FGFRL1: variants seen among roughly 807,000 people sequenced by gnomAD.
FGFRL1 encodes the protein fibroblast growth factor receptor-like 1.
FGFRL1 carries 24 observed loss-of-function variants against 36.8 expected under a neutral mutation model. The ratio of observed to expected loss-of-function variants is 0.65; its 90% confidence interval spans 0.47 to 0.92. FGFRL1 has a LOEUF of 0.92. FGFRL1 is among the 40% of genes least tolerant of loss of function. The probability of loss-of-function intolerance (pLI) is 0.00; values close to 1 mark genes in which losing one functional copy is unlikely to be tolerated. For missense variants in FGFRL1, 785 were observed against 753.4 expected, an observed-to-expected ratio of 1.04 and a Z score of -0.49; for synonymous variants, 422 against 344.1, an observed-to-expected ratio of 1.23 and a Z score of -2.50.
At chr4:1,022,840 C>T (rs551921934) in intron 3 of FGFRL1, among the ~76,000 whole-genome samples, 8 of 152,232 alleles carry the variant, frequency 5.3e-5, no homozygotes, top group South Asian at 2.1e-4. Flanking sequence ...GAGGAGCCGC[C>T]GGGATGCGTG....
intron 2 of FGFRL1, among the ~76,000 whole-genome samples, chr4:1,015,048 CCCCTGGCTTGCCCAG>C (rs58748563): frequency 0.7 from 106,809 of 151,872 alleles, 38,108 homozygotes; most frequent in African/African-American, 0.8. Flanking sequence ...TGGCCTCCAG[CCCCTGGCTTGCCCAG>C]CCCTGGCTTG....
At chr4:1,013,669 T>G (rs1715732896) in intron 2 of FGFRL1, among the ~76,000 whole-genome samples, 4 of 152,274 alleles carry the variant, frequency 2.6e-5, no homozygotes, top group Admixed American at 2.0e-4. Flanking sequence ...TTGCATTCTC[T>G]TTGATCTGTT....
chr4:1,013,025 C>G (rs1357218073), intron 2 of FGFRL1, among the ~76,000 whole-genome samples: 1 of 152,192 alleles, frequency 6.6e-6, no homozygotes, highest in Admixed American at 6.5e-5. Flanking sequence ...GGGACTGAAA[C>G]TGACCCCCAG....
intron 2 of FGFRL1, among the ~76,000 whole-genome samples, chr4:1,014,924 G>A (rs989415370): frequency 2.6e-5 from 4 of 152,228 alleles, no homozygotes; most frequent in East Asian, 3.8e-4. Context: ...TGGAAACGCC[G>A]ACCGCAGACT....
Position 1,025,434 on chromosome 4 carries a change from G to A in FGFRL1, c.*87G>A. ...AGGACGGAGCTGCAGACGAAGGCAG[G>A]GGACCCATGGCGAGGAGGAATGGCC... On this transcript the variant is annotated 3_prime_UTR_variant, in exon 7 of 7. Transcript: ENST00000510644. 2 of 1,466,646 alleles carry A rather than the reference G, an allele frequency of 1.4e-6. No homozygotes were observed. Among genetic ancestry groups the A allele is most frequent in the Non-Finnish European group, 1.8e-6 (2 of 1,095,902 alleles). The allele number at this position is 1,466,646 out of a possible 1,614,324, so 90.9% of individuals were successfully genotyped here. A position where few individuals can be genotyped will look rare whatever the true frequency, so the allele number is the denominator to read the frequency against.
rs1716551225 is a variant in FGFRL1, at chr4:1,026,601, C to T, written c.*1254C>T. On this transcript the variant is annotated 3_prime_UTR_variant, in exon 7 of 7. Coordinates refer to ENST00000510644, the MANE Select transcript of FGFRL1 (RefSeq NM_001004356.3). Reference sequence around the variant, plus strand: ...GAGCCCATGGCTAGTGGCTCATCCCCACTGCATTCTCCCCCTGACACAGAG... The same window carrying T: ...GAGCCCATGGCTAGTGGCTCATCCCTACTGCATTCTCCCCCTGACACAGAG... 3.8e-6 allele frequency: 1 copy of T among 262,362 alleles called. No individual in the cohort carries two copies. The highest frequency in any genetic ancestry group is 7.4e-6 in the Non-Finnish European group (1 of 134,400). 16.3% of individuals were successfully genotyped at this position (262,362 alleles called of 1,614,324 possible).
rs1259070668 is a variant in FGFRL1 at position 1,023,105 on chromosome 4, G to A, written c.353-536G>A. ...CTGGCCCAGGCCCCAGCAGGGTCTGGGGGTGCGGCCTGAGACAGCCTGGTC... is the reference window on the plus strand; with the variant it reads ...CTGGCCCAGGCCCCAGCAGGGTCTGAGGGTGCGGCCTGAGACAGCCTGGTC... On this transcript the variant is annotated intron_variant, in intron 3 of 6. Transcript: ENST00000510644. This position sits in a 1 kb window ranked among gnomAD's most constrained non-coding sequence, Gnocchi z 6.0. Among the ~76,000 whole-genome samples the A allele has an allele frequency of 6.6e-6, 1 of 152,118 alleles. No homozygotes were observed. The highest frequency in any genetic ancestry group is 1.5e-5 in the Non-Finnish European group (1 of 67,978).
chr4:1,011,535 G>A (rs1715580780), upstream of FGFRL1, among the ~76,000 whole-genome samples: 1 of 146,720 alleles, frequency 6.8e-6, no homozygotes. Flanking sequence ...TTGGCGGCGG[G>A]GCGGGGCACG....
Position 1,024,944 on chromosome 4 carries a change from C to T in FGFRL1, c.1112C>T (p.Ser371Leu), listed in dbSNP as rs767896163. 2.9e-5 allele frequency: 47 copies of T among 1,604,350 alleles called. No individual in the cohort carries two copies. Among genetic ancestry groups the T allele is most frequent in the South Asian group, 1.6e-4 (15 of 90,922 alleles). Reference sequence around the variant, plus strand: ...GGGCCACCTGTGGCCTCCTCGTCCTCGGCCACTAGCCTGCCGTGGCCCGTG... The same window carrying T: ...GGGCCACCTGTGGCCTCCTCGTCCTTGGCCACTAGCCTGCCGTGGCCCGTG... ...PPGPPVASSS[S>L]ATSLPWPVVI... Residue 371 changes from serine (S) to leucine (L), a missense_variant, in exon 7 of 7, where the codon TCG becomes TTG. Coordinates refer to ENST00000510644, the MANE Select transcript of FGFRL1 (RefSeq NM_001004356.3).
intron 2 of FGFRL1, 108 bp downstream of exon 2, chr4:1,012,672 GCCC>G: frequency 2.4e-6 from 1 of 418,742 alleles, no homozygotes; most frequent in Non-Finnish European, 4.0e-6. Flanking sequence ...GCCATGCCCC[GCCC>G]CTGCCGCCCC....
chr4:1,019,844 G>A (rs1402386650), intron 2 of FGFRL1, among the ~76,000 whole-genome samples: 2 of 152,214 alleles, frequency 1.3e-5, no homozygotes, highest in Non-Finnish European at 2.9e-5. Flanking sequence ...AGAGGCCAAG[G>A]ACTGGGATGG....
rs773211355 is a variant in FGFRL1, at chr4:1,024,667, G to A, written c.1072+3G>A. The A allele has an allele frequency of 3.8e-6, 6 of 1,593,772 alleles. No individual in the cohort carries two copies. The highest frequency in any genetic ancestry group is 5.1e-6 in the Non-Finnish European group (6 of 1,168,222). On this transcript the variant is annotated splice_donor_region_variant and intron_variant, in intron 6 of 6. Coordinates refer to ENST00000510644, the MANE Select transcript of FGFRL1 (RefSeq NM_001004356.3). ...CGCCTTCCTCACCGTGCTGCCAGGT[G>A]CGCGGCTGCCACGCCACGCCACACC...
chr4:1,016,412 G>A (rs1460739942), intron 2 of FGFRL1, among the ~76,000 whole-genome samples: 1 of 152,152 alleles, frequency 6.6e-6, no homozygotes, highest in African/African-American at 2.4e-5. Flanking sequence ...GATGGGTACG[G>A]AGGAATCTTT....
At chr4:1,012,442 T>G in intron 1 of FGFRL1, 28 bp from the exon 2 acceptor site, 1 of 1,573,672 alleles carries the variant, frequency 6.4e-7, no homozygotes. Context: ...GTTCCACGTG[T>G]TAGTGACGGC....
At chr4:1,016,353 G>A (rs1715886336) in intron 2 of FGFRL1, among the ~76,000 whole-genome samples, 1 of 152,126 alleles carries the variant, frequency 6.6e-6, no homozygotes, top group Admixed American at 6.5e-5. Context: ...TTTTGAGGTG[G>A]GGGTGGGGGC....
chr4:1,014,868 T>G (rs920610937), intron 2 of FGFRL1, among the ~76,000 whole-genome samples: 1 of 152,080 alleles, frequency 6.6e-6, no homozygotes, highest in Non-Finnish European at 1.5e-5. Context: ...ACTGTCCCCT[T>G]GGGGGGAGGG....
Position 1,023,059 on chromosome 4 carries a change from C to T in FGFRL1, c.353-582C>T, listed in dbSNP as rs918417139. On this transcript the variant is annotated intron_variant, in intron 3 of 6. Transcript: ENST00000510644. The surrounding 1 kb of genome is among the most constrained non-coding windows in gnomAD (Gnocchi z 6.0). Reference sequence around the variant, plus strand: ...ACTTTAAGTTTTAGGGTACATGTGCCCGTTTTCTGAATACAGGAGCCTGGC... The same window carrying T: ...ACTTTAAGTTTTAGGGTACATGTGCTCGTTTTCTGAATACAGGAGCCTGGC... Among the ~76,000 whole-genome samples, 7 of 151,874 alleles carry T rather than the reference C, an allele frequency of 4.6e-5. No homozygotes were observed. Among genetic ancestry groups the T allele is most frequent in the Non-Finnish European group, 1.0e-4 (7 of 67,908 alleles).
chr4:1,013,648 G>A lies in FGFRL1; in HGVS notation c.79+1084G>A, dbSNP rs60679039. ...ACTGGGCGAGCCCCTACCATGGCCA[G>A]CGGCCTGGACTTGCATTCTCTTTGA... On this transcript the variant is annotated intron_variant, in intron 2 of 6. Coordinates refer to ENST00000510644, the MANE Select transcript of FGFRL1 (RefSeq NM_001004356.3). Among the ~76,000 whole-genome samples the A allele has an allele frequency of 4.4e-3, 667 of 152,384 alleles. 6 individuals are homozygous for A. Among genetic ancestry groups the A allele is most frequent in the African/African-American group, 0.015 (639 of 41,598 alleles).
chr4:1,025,334 A>G lies in FGFRL1; in HGVS notation c.1502A>G (p.His501Arg). ...GAGGGCAAGGTCCACCAGCACATCC[A>G]CTATCAGTGCTAGACGGCACCGTAT... ...HVEGKVHQHIHYQC is the reference protein window; with the variant it reads ...HVEGKVHQHIRYQC The change falls in exon 7 of 7, where the codon CAC becomes CGC. Residue 501 changes from histidine to arginine, a missense_variant. Coordinates refer to ENST00000510644, the MANE Select transcript of FGFRL1 (RefSeq NM_001004356.3). 1 of 1,553,942 alleles carries G rather than the reference A, an allele frequency of 6.4e-7. No homozygotes were observed. Among genetic ancestry groups the G allele is most frequent in the East Asian group, 2.4e-5 (1 of 41,196 alleles).
Sources: allele counts gnomAD v4.1 joint callset (sites outside exome capture counted in the v4.1 genomes callset), GRCh38; gene constraint gnomAD v4.1.1; non-coding constraint Gnocchi (gnomAD v3.1); transcripts MANE v1.5; gene names NCBI Gene and HGNC (gene_info 2026-07-23, HGNC 2026-07-21).